The following HDX variants were observed in gnomAD, a reference collection of about 807,000 sequenced individuals.
HDX encodes the protein chromosome X open reading frame 43.
Under a neutral mutation model 45.2 loss-of-function variants are expected in HDX, and 19 were observed. The observed-to-expected ratio is 0.42, with a 90% CI of 0.29 to 0.62. The LOEUF (loss-of-function observed/expected upper bound fraction) is 0.62, where lower values mean the gene tolerates loss of function less well. Ranked by LOEUF, HDX falls within the 20% of genes least tolerant of loss-of-function variation. The pLI is 0.20. For synonymous variants in HDX, 188 were observed against 172.8 expected, an observed-to-expected ratio of 1.09 and a Z score of -0.69; for missense variants, 532 against 493.9, an observed-to-expected ratio of 1.08 and a Z score of -0.73.
chrX:84,367,073 T>C (rs761572209), intron 5 of HDX, among the ~76,000 whole-genome samples: 1 of 111,731 alleles, frequency 9.0e-6, no homozygotes, highest in South Asian at 3.8e-4. Flanking sequence ...ACCTACAGAA[T>C]GGGAGAACAT....
chrX:84,456,294 C>A (rs749709815), intron 4 of HDX, among the ~76,000 whole-genome samples: 6 of 111,044 alleles, frequency 5.4e-5, no homozygotes, highest in African/African-American at 9.8e-5. Context: ...CTTGTTTATG[C>A]AATCAATGTT....
intron 4 of HDX, among the ~76,000 whole-genome samples, chrX:84,446,276 T>TA (rs2148074352): frequency 8.9e-6 from 1 of 111,835 alleles, no homozygotes; most frequent in Admixed American, 9.5e-5. Flanking sequence ...ATTTGGGAAA[T>TA]AAAAAAGCTC....
chrX:84,476,213 C>A (rs985888977), intron 2 of HDX, among the ~76,000 whole-genome samples: 2 of 111,117 alleles, frequency 1.8e-5, no homozygotes, highest in African/African-American at 6.5e-5. Flanking sequence ...TCAAACTCTT[C>A]TTTAAAAATG....
chrX:84,495,800 A>C (rs2040988387), intron 1 of HDX, among the ~76,000 whole-genome samples: 1 of 111,867 alleles, frequency 8.9e-6, no homozygotes, highest in Admixed American at 9.5e-5. Context: ...CAAGGAAACA[A>C]AACCTTCTCT....
At chrX:84,354,473 A>T (rs1425511834) in intron 6 of HDX, among the ~76,000 whole-genome samples, 3 of 111,313 alleles carry the variant, frequency 2.7e-5, no homozygotes, top group Non-Finnish European at 3.8e-5. Context: ...TATGTACCAA[A>T]CACTGTTTCT....
intron 5 of HDX, among the ~76,000 whole-genome samples, chrX:84,386,094 T>C (rs893738351): frequency 1.8e-5 from 2 of 110,928 alleles, no homozygotes; most frequent in Non-Finnish European, 3.8e-5. Flanking sequence ...AAACTTTTTA[T>C]GTGTATATTG....
In HDX at chrX:84,321,603, AATTAGAC is replaced by A. The variant is rs2036598729; in HGVS notation, c.*279_*285del. Reference sequence around the variant, plus strand: ...TTTAGTTATTTTGTCTCTGGTTAGAAATTAGACATAATGAATTTCAGGGTTAAACTGC... The same window carrying A: ...TTTAGTTATTTTGTCTCTGGTTAGAAATAATGAATTTCAGGGTTAAACTGC... On this transcript the variant is annotated 3_prime_UTR_variant, in exon 11 of 11. Coordinates refer to ENST00000373177, the MANE Select transcript of HDX (RefSeq NM_001177479.2). 6.8e-6 allele frequency: 1 copy of A among 147,503 alleles called. No individual in the cohort carries two copies. Among genetic ancestry groups the A allele is most frequent in the Non-Finnish European group, 1.3e-5 (1 of 76,634 alleles). The allele number at this position is 147,503 out of a possible 1,213,427, so 12.2% of individuals were successfully genotyped here.
At chrX:84,325,204 A>G (rs1407744547) in intron 10 of HDX, among the ~76,000 whole-genome samples, 3 of 110,595 alleles carry the variant, frequency 2.7e-5, no homozygotes, top group African/African-American at 9.8e-5. Flanking sequence ...ATTTCTTGGG[A>G]AAAAAAGGGA....
At chrX:84,487,575 A>G (rs1445731749) in intron 2 of HDX, among the ~76,000 whole-genome samples, 1 of 111,790 alleles carries the variant, frequency 8.9e-6, no homozygotes, top group Non-Finnish European at 1.9e-5. Context: ...TTCAATGTCA[A>G]TTCTATTTCC....
intron 5 of HDX, among the ~76,000 whole-genome samples, chrX:84,408,406 A>G (rs1489270734): frequency 9.6e-6 from 1 of 104,654 alleles, no homozygotes; most frequent in African/African-American, 3.5e-5. Context: ...CTATTTGTTT[A>G]TATGTCTATT....
At chrX:84,478,081 C>T (rs755998641) in intron 2 of HDX, among the ~76,000 whole-genome samples, 8 of 111,981 alleles carry the variant, frequency 7.1e-5, no homozygotes, top group African/African-American at 2.3e-4. Flanking sequence ...GTCTACTACT[C>T]TGGGTTGATA....
intron 5 of HDX, among the ~76,000 whole-genome samples, chrX:84,430,288 A>G (rs1291953045): frequency 9.0e-6 from 1 of 111,006 alleles, no homozygotes; most frequent in Non-Finnish European, 1.9e-5. Context: ...TCTGTTCCTG[A>G]CTTATTTTAT....
chrX:84,321,626 G>A lies in HDX; in HGVS notation c.*263C>T, dbSNP rs966218389. 5.8e-6 allele frequency: 1 copy of A among 173,304 alleles called. No homozygotes were observed. The highest frequency in any genetic ancestry group is 1.1e-5 in the Non-Finnish European group (1 of 92,779). The allele number at this position is 173,304 out of a possible 1,213,427, so 14.3% of individuals were successfully genotyped here. A position where few individuals can be genotyped will look rare whatever the true frequency, so the allele number is the denominator to read the frequency against. ...GAAATTAGACATAATGAATTTCAGG[G>A]TTAAACTGCTGAAACTTAAATATAA... On this transcript the variant is annotated 3_prime_UTR_variant, in exon 11 of 11. Coordinates refer to ENST00000373177, the MANE Select transcript of HDX (RefSeq NM_001177479.2).
rs187897095 is a variant in HDX, at chrX:84,368,791, C to T, written c.1306-7179G>A. Among the ~76,000 whole-genome samples, 472 of 111,153 alleles carry T rather than the reference C, an allele frequency of 4.2e-3. 2 individuals are homozygous for T. Among genetic ancestry groups the T allele is most frequent in the African/African-American group, 0.014 (439 of 30,585 alleles). ...GTTTCATGGAAGACAATTTTTTCCACGGATGAGGGTGGGGTTACCGGGGAG... is the reference window on the plus strand; with the variant it reads ...GTTTCATGGAAGACAATTTTTTCCATGGATGAGGGTGGGGTTACCGGGGAG... On this transcript the variant is annotated intron_variant, in intron 5 of 10. Transcript: ENST00000373177.
intron 5 of HDX, among the ~76,000 whole-genome samples, chrX:84,373,469 T>C (rs2037952618): frequency 9.0e-6 from 1 of 111,089 alleles, no homozygotes; most frequent in Non-Finnish European, 1.9e-5. Flanking sequence ...AAGAGAATTT[T>C]AGACCAATAT....
rs1038628622 is a variant in HDX, at chrX:84,468,909, C to T, written c.814G>A (p.Asp272Asn). The T allele has an allele frequency of 5.0e-6, 6 of 1,209,203 alleles. No homozygotes were observed. The highest frequency in any genetic ancestry group is 4.4e-5 in the Admixed American group (2 of 45,719). Residue 272 changes from aspartate to asparagine, a missense_variant, in exon 4 of 11, where the codon GAT (aspartate) becomes AAT (asparagine). Asp to Asn is a conservative substitution (Grantham distance 23). Transcript: ENST00000373177. ...CCTCCCAGAATTCTCTGGGGGTAAT[C>T]GCTAACTGCCAATGAAAACACTTCA... ...IREVFSLAVS[D>N]YPQRILGGNA...
intron 5 of HDX, among the ~76,000 whole-genome samples, chrX:84,427,639 AT>A (rs767683190): frequency 9.0e-6 from 1 of 111,160 alleles, no homozygotes; most frequent in Admixed American, 9.6e-5. Flanking sequence ...TCAACAGTTC[AT>A]TTTTTAAATT....
chrX:84,373,666 T>C (rs951089121), intron 5 of HDX, among the ~76,000 whole-genome samples: 4 of 111,149 alleles, frequency 3.6e-5, no homozygotes, highest in African/African-American at 1.3e-4. Context: ...ACCACATGAT[T>C]ATCTCAATAG....
chrX:84,325,057 C>T (rs73507039), intron 10 of HDX, among the ~76,000 whole-genome samples: 9,247 of 110,436 alleles, frequency 0.084, 395 homozygotes, highest in East Asian at 0.26. Flanking sequence ...CTTGAGATGT[C>T]TGTGTGTGTG....
Sources: gnomAD v4.1 joint callset for allele counts (sites outside exome capture counted in the v4.1 genomes callset) on GRCh38, gnomAD v4.1.1 for gene constraint, MANE v1.5 for transcripts, NCBI Gene and HGNC (gene_info 2026-07-23, HGNC 2026-07-21) for gene names.